The following RSRC1 variants were observed in gnomAD, a reference collection of about 807,000 sequenced individuals.
RSRC1 encodes the protein serine/Arginine-related protein 53.
Under a neutral mutation model 49.1 loss-of-function variants are expected in RSRC1, and 39 were observed. The ratio of observed to expected loss-of-function variants is 0.79; its 90% CI spans 0.61 to 1.04. RSRC1 has a LOEUF of 1.04. RSRC1 is among the 50% of genes least tolerant of loss of function. RSRC1 has a pLI of 0.00. For synonymous variants in RSRC1, 143 were observed against 130.8 expected, an observed-to-expected ratio of 1.09 and a Z score of -0.63; for missense variants, 388 against 402.4, an observed-to-expected ratio of 0.96 and a Z score of 0.31.
rs183078930 is a variant in RSRC1 at position 158,472,395 on chromosome 3, G to T, written c.652+11392G>T. On this transcript the variant is annotated intron_variant, in intron 7 of 9. Transcript: ENST00000611884. The stretch of plus-strand genomic sequence containing the variant: ...ACATACAAGAGGTATATTGTACTTT[G>T]CAGTCGAGTACACATATGCATATGT... 3.9e-5 allele frequency among the ~76,000 whole-genome samples: 6 copies of T among 152,076 alleles called. No homozygotes were observed. In the East Asian group the frequency reaches 1.2e-3, roughly 29 times the overall value.
chr3:158,472,926 C>T (rs533165037), intron 7 of RSRC1, among the ~76,000 whole-genome samples: 7 of 152,298 alleles, frequency 4.6e-5, no homozygotes, highest in Admixed American at 2.6e-4. Flanking sequence ...CCATGCATCA[C>T]TGGCCATCAG....
chr3:158,396,443 A>G (rs1021089201), intron 6 of RSRC1, among the ~76,000 whole-genome samples: 5 of 151,478 alleles, frequency 3.3e-5, no homozygotes, highest in African/African-American at 1.2e-4. Flanking sequence ...TTCTTTTTAA[A>G]TTTCTATTTG....
chr3:158,137,403 A>AAT (rs10574936), intron 3 of RSRC1, among the ~76,000 whole-genome samples: 196 of 149,530 alleles, frequency 1.3e-3, no homozygotes, highest in Non-Finnish European at 2.0e-3. Context: ...GACCCAATTA[A>AAT]ATATATATAT....
chr3:158,530,943 A>C (rs1007328210), intron 7 of RSRC1, among the ~76,000 whole-genome samples: 1 of 150,248 alleles, frequency 6.7e-6, no homozygotes, highest in Non-Finnish European at 1.5e-5. Context: ...AAAAAAAAAA[A>C]AAAACTCACC....
At chr3:158,126,193 G>C (rs1320226463) in intron 3 of RSRC1, among the ~76,000 whole-genome samples, 1 of 152,010 alleles carries the variant, frequency 6.6e-6, no homozygotes, top group Non-Finnish European at 1.5e-5. Context: ...GTTTTGTTTG[G>C]GGAGTTTAAT....
At chr3:158,187,671 T>A (rs569679913) in intron 3 of RSRC1, among the ~76,000 whole-genome samples, 1 of 152,134 alleles carries the variant, frequency 6.6e-6, no homozygotes, top group Admixed American at 6.6e-5. Context: ...ATTTGACACC[T>A]ATGCTGATCT....
chr3:158,254,912 G>T (rs569029970), intron 4 of RSRC1, among the ~76,000 whole-genome samples: 6 of 152,170 alleles, frequency 3.9e-5, no homozygotes, highest in Non-Finnish European at 8.8e-5. Flanking sequence ...TTTTGATGGG[G>T]TTGTTTGTTT....
chr3:158,436,411 A>AAT (rs145741354), intron 6 of RSRC1, among the ~76,000 whole-genome samples: 14 of 151,746 alleles, frequency 9.2e-5, no homozygotes, highest in Admixed American at 3.3e-4. Context: ...AAACTTTAAA[A>AAT]ATATATATAT....
At chr3:158,351,160 G>A (rs1250072137) in intron 5 of RSRC1, among the ~76,000 whole-genome samples, 1 of 152,150 alleles carries the variant, frequency 6.6e-6, no homozygotes, top group African/African-American at 2.4e-5. Flanking sequence ...GGACGCAGAG[G>A]GTTTCAGCCA....
intron 4 of RSRC1, among the ~76,000 whole-genome samples, chr3:158,229,176 G>A (rs1370385234): frequency 2.8e-5 from 4 of 143,768 alleles, no homozygotes; most frequent in African/African-American, 7.6e-5. Flanking sequence ...ATAAACATAT[G>A]TGTATGTGTA....
At chr3:158,330,211 G>A (rs1729466124) in intron 5 of RSRC1, among the ~76,000 whole-genome samples, 1 of 152,184 alleles carries the variant, frequency 6.6e-6, no homozygotes, top group Admixed American at 6.5e-5. Context: ...CCCTGCTTCA[G>A]CTCACACTAG....
At chr3:158,460,277 A>G (rs1222770773) in intron 6 of RSRC1, among the ~76,000 whole-genome samples, 1 of 151,882 alleles carries the variant, frequency 6.6e-6, no homozygotes, top group Admixed American at 6.6e-5. Context: ...TAGAACAGAA[A>G]TTTAATTAAT....
chr3:158,398,098 G>C (rs1733705318), intron 6 of RSRC1, among the ~76,000 whole-genome samples: 3 of 151,966 alleles, frequency 2.0e-5, no homozygotes, highest in Admixed American at 2.0e-4. Flanking sequence ...AGAGAGAAAG[G>C]GTAGAGGAGG....
At chr3:158,126,282 A>G (rs1487744629) in intron 3 of RSRC1, among the ~76,000 whole-genome samples, 3 of 151,660 alleles carry the variant, frequency 2.0e-5, no homozygotes, top group Non-Finnish European at 4.4e-5. Flanking sequence ...CCTTATAGCT[A>G]TTTTGTCTCT....
intron 7 of RSRC1, among the ~76,000 whole-genome samples, chr3:158,473,058 T>C (rs2108424306): frequency 6.6e-6 from 1 of 152,280 alleles, no homozygotes; most frequent in East Asian, 1.9e-4. Flanking sequence ...ACTTTTACAC[T>C]GTCGGTGGGA....
chr3:158,270,351 A>T (rs529326099), intron 4 of RSRC1, among the ~76,000 whole-genome samples: 1 of 152,260 alleles, frequency 6.6e-6, no homozygotes, highest in South Asian at 2.1e-4. Flanking sequence ...CGACAAAAGG[A>T]TAGGGTACCC....
intron 7 of RSRC1, among the ~76,000 whole-genome samples, chr3:158,483,949 C>G (rs1412625541): frequency 6.6e-6 from 1 of 152,108 alleles, no homozygotes; most frequent in Non-Finnish European, 1.5e-5. Flanking sequence ...CCTTTTCTAG[C>G]TTAGTGATCC....
At chr3:158,155,981 G>A (rs931061581) in intron 3 of RSRC1, among the ~76,000 whole-genome samples, 1 of 152,162 alleles carries the variant, frequency 6.6e-6, no homozygotes, top group African/African-American at 2.4e-5. Flanking sequence ...AAAAGAGTCT[G>A]CCTGTCCTTT....
At position 158,256,519 on chromosome 3, in the gene RSRC1, C is replaced by G. The variant is rs114265056; in HGVS notation, c.495-41520C>G. Reference sequence around the variant, plus strand: ...TCATCAGGGGTATTGGTCTAAAATTCTCTCTTTGTTGTTGTTGTTGTTGTG... The same window carrying G: ...TCATCAGGGGTATTGGTCTAAAATTGTCTCTTTGTTGTTGTTGTTGTTGTG... On this transcript the variant is annotated intron_variant, in intron 4 of 9. Coordinates refer to ENST00000611884, the MANE Select transcript of RSRC1 (RefSeq NM_001271838.2). Among the ~76,000 whole-genome samples the G allele has an allele frequency of 1.4e-3, 215 of 152,066 alleles. 2 individuals are homozygous for G. Among genetic ancestry groups the G allele is most frequent in the African/African-American group, 4.9e-3 (203 of 41,502 alleles).
Sources: gnomAD v4.1 joint callset for allele counts (sites outside exome capture counted in the v4.1 genomes callset) on GRCh38, gnomAD v4.1.1 for gene constraint, MANE v1.5 for transcripts, NCBI Gene and HGNC (gene_info 2026-07-23, HGNC 2026-07-21) for gene names.